The following SOS1 variants were observed in gnomAD, a reference collection of about 807,000 sequenced individuals.
SOS1 encodes the protein SOS Ras/Rac guanine nucleotide exchange factor 1.
SOS1 carries 25 observed loss-of-function variants against 157.6 expected under a neutral mutation model. The ratio of observed to expected loss-of-function variants is 0.16; its 90% CI spans 0.12 to 0.22. The LOEUF is 0.22. Ranked by LOEUF, SOS1 falls within the 10% of genes least tolerant of loss-of-function variation. The pLI is 1.00. For synonymous variants in SOS1, 528 were observed against 534.0 expected (o/e 0.99, Z 0.16); for missense variants, 1,237 against 1,599.1 (o/e 0.77, Z 3.86).
chr2:39,057,677 G>A (rs761587381), intron 3 of SOS1, among the ~76,000 whole-genome samples: 11 of 151,876 alleles, frequency 7.2e-5, no homozygotes, highest in Non-Finnish European at 1.5e-4. Flanking sequence ...TCAAAATTTA[G>A]GATTATTAAC....
rs1669534392 is a variant in SOS1 at position 39,013,561 on chromosome 2, A to G, written c.2066T>C (p.Val689Ala). 3 of 1,561,882 alleles carry G rather than the reference A, an allele frequency of 1.9e-6. No homozygotes were observed. In the East Asian group the frequency reaches 6.7e-5, roughly 35 times the overall value. Residue 689 changes from valine to alanine, a missense_variant and splice_region_variant, in exon 13 of 23, where the codon GTA (valine) becomes GCA (alanine). This residue lies in a region of SOS1 where 42 missense variants were observed against 80.4 expected (regional missense o/e 0.52). Coordinates refer to ENST00000402219, the MANE Select transcript of SOS1 (RefSeq NM_005633.4). ...KEYIQPVQLR[V>A]LNVCRHWVEH... is the part of the protein sequence containing the mutation. ...TACCCAGTGCCGACATACATTTAAT[A>G]CTCTATGGCATTAACACAGAATTGA... is the stretch of plus-strand genomic sequence containing the variant.
At chr2:39,092,918 G>A (rs955674174) in intron 1 of SOS1, among the ~76,000 whole-genome samples, 14 of 152,058 alleles carry the variant, frequency 9.2e-5, no homozygotes, top group Non-Finnish European at 2.1e-4. Flanking sequence ...AGTTTAAAAT[G>A]AAAATGATAA....
Position 39,061,203 on chromosome 2 carries a change from G to A in SOS1, c.214-2399C>T, listed in dbSNP as rs116183280. Among the ~76,000 whole-genome samples the A allele has an allele frequency of 3.5e-3, 507 of 146,946 alleles. 4 individuals carry two copies. Among genetic ancestry groups the A allele is most frequent in the Admixed American group, 5.3e-3 (78 of 14,686 alleles). On this transcript the variant is annotated intron_variant, in intron 2 of 22. Coordinates refer to ENST00000402219, the MANE Select transcript of SOS1 (RefSeq NM_005633.4). ...ATCAAATTACCAAATACATACTTAG[G>A]AGACAATGTCAAGGGTCAAAATGCA... is the stretch of plus-strand genomic sequence containing the variant.
At chr2:39,110,039 C>CGT (rs779110307) in intron 1 of SOS1, among the ~76,000 whole-genome samples, 59,662 of 135,080 alleles carry the variant, frequency 0.44, 13,297 homozygotes, top group Non-Finnish European at 0.51. Flanking sequence ...TGTGTGTGTG[C>CGT]GTGTGTGTGT....
At position 39,054,833 on chromosome 2, in the gene SOS1, C is replaced by G. The variant is rs1553362289; in HGVS notation, c.511-10G>C. ...ACATATCCATCAATACCTATACAGT[C>G]AGAGATATAAAAAAGTATAATAAAA... On this transcript the variant is annotated splice_polypyrimidine_tract_variant and intron_variant, in intron 4 of 22. Coordinates refer to ENST00000402219, the MANE Select transcript of SOS1 (RefSeq NM_005633.4). 8.1e-7 allele frequency: 1 copy of G among 1,234,618 alleles called. No homozygotes were observed. The highest frequency in any genetic ancestry group is 2.0e-4 in the Middle Eastern group (1 of 4,910). The allele number at this position is 1,234,618 out of a possible 1,614,324, so 76.5% of individuals were successfully genotyped here.
At chr2:39,058,505 CTTA>C (rs1671292233) in intron 3 of SOS1, among the ~76,000 whole-genome samples, 165 bp downstream of exon 3, 1 of 152,130 alleles carries the variant, frequency 6.6e-6, no homozygotes, top group East Asian at 1.9e-4. Flanking sequence ...TTTATATTTT[CTTA>C]TTATCATAGC....
chr2:39,115,314 G>A (rs1023979435), intron 1 of SOS1, among the ~76,000 whole-genome samples: 3 of 148,672 alleles, frequency 2.0e-5, no homozygotes, highest in African/African-American at 7.4e-5. Context: ...GACTCATATA[G>A]TATATACTCT....
intron 1 of SOS1, among the ~76,000 whole-genome samples, chr2:39,086,503 T>C (rs1672379966): frequency 1.3e-5 from 2 of 152,174 alleles, no homozygotes; most frequent in African/African-American, 4.8e-5. Flanking sequence ...TATTAGATAT[T>C]GGTAAGCAAG....
Position 39,069,190 on chromosome 2 carries a change from C to CAAAAA in SOS1, c.88-1442_88-1438dup, listed in dbSNP as rs869178369. Among the ~76,000 whole-genome samples the CAAAAA allele has an allele frequency of 2.6e-4, 12 of 46,758 alleles. 1 individual carries two copies. The highest frequency in any genetic ancestry group is 3.2e-4 in the Non-Finnish European group (8 of 25,242). The allele number at this position is 46,758 out of a possible 152,430, so 30.7% of individuals were successfully genotyped here. A position where few individuals can be genotyped will look rare whatever the true frequency, so the allele number is the denominator to read the frequency against. On this transcript the variant is annotated intron_variant, in intron 1 of 22. Coordinates refer to ENST00000402219, the MANE Select transcript of SOS1 (RefSeq NM_005633.4). ...GGGAAAACCTGTCTCTACCAAAAAG[C>CAAAAA]AAAAAAAAAAAAAAAAAAAAAAAAA...
Position 39,046,267 on chromosome 2 carries a change from T to C in SOS1, c.864+4877A>G, listed in dbSNP as rs1232953577. Among the ~76,000 whole-genome samples, 3 of 152,116 alleles carry C rather than the reference T, an allele frequency of 2.0e-5. No homozygotes were observed. The East Asian group carries it at 5.8e-4, about 29-fold the overall frequency. Reference sequence around the variant, plus strand: ...CTGTTCTTTTGGTGATTTTCGTACATGTTTTTAAAAATAAATACGGTTATC... The same window carrying C: ...CTGTTCTTTTGGTGATTTTCGTACACGTTTTTAAAAATAAATACGGTTATC... On this transcript the variant is annotated intron_variant, in intron 6 of 22. Coordinates refer to ENST00000402219, the MANE Select transcript of SOS1 (RefSeq NM_005633.4).
At position 39,072,245 on chromosome 2, in the gene SOS1, T is replaced by C. The variant is rs77341278; in HGVS notation, c.88-4492A>G. ...TCCCTTGTCTGTTTCCTTTTTTGGA[T>C]AGTGATGTTCCAACTGGGCAGGGCT... On this transcript the variant is annotated intron_variant, in intron 1 of 22. Transcript: ENST00000402219. 2.2e-3 allele frequency among the ~76,000 whole-genome samples: 342 copies of C among 152,332 alleles called. 1 individual carries two copies. Among genetic ancestry groups the C allele is most frequent in the African/African-American group, 7.9e-3 (330 of 41,582 alleles).
chr2:39,000,022 CTG>C (rs1396390172), intron 17 of SOS1, among the ~76,000 whole-genome samples: 1 of 152,070 alleles, frequency 6.6e-6, no homozygotes, highest in African/African-American at 2.4e-5. Flanking sequence ...GCCCTAGTGT[CTG>C]TGGGGATAAT....
rs147599543 is a variant in SOS1, at chr2:39,090,936, T to G, written c.88-23183A>C. Among the ~76,000 whole-genome samples the G allele has an allele frequency of 2.6e-5, 4 of 152,118 alleles. No individual in the cohort carries two copies. In the East Asian group the frequency reaches 5.8e-4, roughly 22 times the overall value. ...CAAGCTGGAGTGCAGTGTTGCGATT[T>G]TGGCTCACTGCAACCTCAACCTCCT... is the stretch of plus-strand genomic sequence containing the variant. On this transcript the variant is annotated intron_variant, in intron 1 of 22. Transcript: ENST00000402219.
chr2:39,074,479 G>C (rs979050361), intron 1 of SOS1, among the ~76,000 whole-genome samples: 1 of 152,028 alleles, frequency 6.6e-6, no homozygotes, highest in East Asian at 1.9e-4. Flanking sequence ...CAGGAGAATT[G>C]CTTGAACCCG....
chr2:39,056,918 C>A (rs1425585366), intron 3 of SOS1, 52 bp from the exon 4 acceptor site: 1 of 1,239,548 alleles, frequency 8.1e-7, no homozygotes, highest in Admixed American at 1.7e-5. Flanking sequence ...GTACATTTAA[C>A]ACACTGATTA....
intron 1 of SOS1, among the ~76,000 whole-genome samples, chr2:39,114,925 C>T (rs773216095): frequency 3.9e-5 from 6 of 152,070 alleles, no homozygotes; most frequent in Admixed American, 6.6e-5. Flanking sequence ...ATTCCTCTCT[C>T]AACTTCTCAG....
chr2:39,047,558 T>C (rs980556160), intron 6 of SOS1, among the ~76,000 whole-genome samples: 2 of 152,186 alleles, frequency 1.3e-5, no homozygotes, highest in South Asian at 4.1e-4. Context: ...AGCATCTTTT[T>C]TGTGTGTGAA....
intron 1 of SOS1, among the ~76,000 whole-genome samples, chr2:39,067,982 TGTG>T (rs987782004): frequency 2.0e-5 from 3 of 151,924 alleles, no homozygotes; most frequent in African/African-American, 7.3e-5. Context: ...AGCCGGGCCT[TGTG>T]GTGTGCGCCT....
rs145705430 is a variant in SOS1 at position 38,986,218 on chromosome 2, G to C, written c.3608C>G (p.Ser1203Cys). The change falls in exon 23 of 23, where the codon TCT becomes TGT. Residue 1203 changes from serine to cysteine, a missense_variant. By Grantham distance (112) the Ser-to-Cys change is moderately radical. Coordinates refer to ENST00000402219, the MANE Select transcript of SOS1 (RefSeq NM_005633.4). ...SPRYSISDRTSISDPPESPPL... is the reference protein window; with the variant it reads ...SPRYSISDRTCISDPPESPPL... ...AGGGCTTTCAGGAGGGTCTGAGATAGAGGTCCGGTCTGATATTGAATATCG... is the reference window on the plus strand; with the variant it reads ...AGGGCTTTCAGGAGGGTCTGAGATACAGGTCCGGTCTGATATTGAATATCG... 1 of 1,613,844 alleles carries C rather than the reference G, an allele frequency of 6.2e-7. No individual in the cohort carries two copies. Among genetic ancestry groups the C allele is most frequent in the Non-Finnish European group, 8.5e-7 (1 of 1,179,922 alleles).
Sources: gnomAD v4.1 joint callset for allele counts (sites outside exome capture counted in the v4.1 genomes callset) on GRCh38, gnomAD v4.1.1 for gene constraint, gnomAD v4.1.1 regional missense constraint, MANE v1.5 for transcripts, NCBI Gene and HGNC (gene_info 2026-07-23, HGNC 2026-07-21) for gene names.